Variants in RBFOX1 observed in about 807,000 individuals in gnomAD.
RBFOX1 encodes RNA binding protein fox-1 homolog 1.
RBFOX1 carries 8 observed loss-of-function variants against 57.7 expected under a neutral mutation model. That is an observed-to-expected ratio of 0.14 (90% CI 0.08 to 0.25). The LOEUF is 0.25. Among genes scored for constraint, RBFOX1 ranks in the 10% least tolerant of loss-of-function variants. The pLI, the probability that RBFOX1 is intolerant of heterozygous loss-of-function variation, is 1.00. For missense variants in RBFOX1, 611 were observed against 548.5 expected (o/e 1.11, Z -1.14); for synonymous variants, 326 against 222.4 (o/e 1.47, Z -4.15).
At chr16:7,563,893 A>T (rs1371937402) in intron 5 of RBFOX1, among the ~76,000 whole-genome samples, 1 of 151,934 alleles carries the variant, frequency 6.6e-6, no homozygotes, top group Non-Finnish European at 1.5e-5. Context: ...CCAACCTCCA[A>T]CCCTGCCCAC....
At chr16:7,217,292 C>CTTTTTTTTTTTTTT (rs71147672) in intron 4 of RBFOX1, among the ~76,000 whole-genome samples, 1 of 104,080 alleles carries the variant, frequency 9.6e-6, no homozygotes, top group Non-Finnish European at 1.8e-5. Context: ...TCTTATTCTT[C>CTTTTTTTTTTTTTT]TTTTTTTTTT....
intron 11 of RBFOX1, among the ~76,000 whole-genome samples, chr16:7,643,914 G>A (rs1297001125): frequency 6.6e-6 from 1 of 152,146 alleles, no homozygotes; most frequent in Non-Finnish European, 1.5e-5. Flanking sequence ...GAAGCATATT[G>A]AGATCTCTGG....
chr16:7,034,548 G>T (rs927315751), intron 3 of RBFOX1, among the ~76,000 whole-genome samples: 12 of 152,244 alleles, frequency 7.9e-5, no homozygotes, highest in African/African-American at 2.9e-4. Context: ...AGGGGATGAG[G>T]CTGCCTAGAG....
At chr16:6,932,232 T>A (rs1470813276) in intron 3 of RBFOX1, among the ~76,000 whole-genome samples, 1 of 152,146 alleles carries the variant, frequency 6.6e-6, no homozygotes, top group East Asian at 1.9e-4. Context: ...GCCTCCCAAG[T>A]AGCTGGGATT....
chr16:7,629,273 T>A (rs1377661692), intron 10 of RBFOX1, among the ~76,000 whole-genome samples: 4 of 152,112 alleles, frequency 2.6e-5, no homozygotes, highest in African/African-American at 2.4e-5. Context: ...CACCGTGCAG[T>A]CCCTCTGTGT....
At chr16:6,255,238 A>G (rs1055262450) in intron 1 of RBFOX1, among the ~76,000 whole-genome samples, 4 of 152,158 alleles carry the variant, frequency 2.6e-5, no homozygotes, top group African/African-American at 4.8e-5. Context: ...ACAGCACACA[A>G]TGAAGACCAA....
rs1015444156 is a variant in RBFOX1 at position 5,981,980 on chromosome 16, C to T, written c.351+114645C>T. 8.1e-4 allele frequency among the ~76,000 whole-genome samples: 124 copies of T among 152,278 alleles called. 1 individual carries two copies. Among genetic ancestry groups the T allele is most frequent in the African/African-American group, 2.8e-3 (115 of 41,574 alleles). ...GGTCAGTGGTGCCAAGAATGAAAAA[C>T]GCTTATCTAAAGGGTGTTTCTGTTA... On this transcript the variant is annotated intron_variant, in intron 4 of 19. Coordinates refer to the RBFOX1 transcript ENST00000641259.
chr16:7,315,225 T>G (rs2096409841), intron 4 of RBFOX1, among the ~76,000 whole-genome samples: 1 of 152,074 alleles, frequency 6.6e-6, no homozygotes, highest in Non-Finnish European at 1.5e-5. Flanking sequence ...GAGTAGGAGT[T>G]TGAGGGGGTA....
intron 3 of RBFOX1, among the ~76,000 whole-genome samples, chr16:6,969,584 TA>T (rs78601900): frequency 9.4e-5 from 14 of 148,710 alleles, no homozygotes; most frequent in Non-Finnish European, 1.3e-4. Flanking sequence ...AAAATAAAAA[TA>T]AAAAAAAAAT....
At chr16:6,518,739 A>G (rs986465237) in intron 2 of RBFOX1, among the ~76,000 whole-genome samples, 1 of 148,810 alleles carries the variant, frequency 6.7e-6, no homozygotes, top group Admixed American at 6.7e-5. Flanking sequence ...CCATCCATCT[A>G]TCTCTGTCTG....
intron 4 of RBFOX1, among the ~76,000 whole-genome samples, chr16:7,180,309 A>C (rs762482508): frequency 6.6e-6 from 1 of 152,194 alleles, no homozygotes; most frequent in South Asian, 2.1e-4. Flanking sequence ...AATTATTCCC[A>C]TTTTTCAGAT....
At chr16:6,362,227 C>A (rs554490461) in intron 2 of RBFOX1, among the ~76,000 whole-genome samples, 1 of 151,158 alleles carries the variant, frequency 6.6e-6, no homozygotes, top group Non-Finnish European at 1.5e-5. Context: ...GTAATCGATG[C>A]ATATCACATC....
intron 2 of RBFOX1, among the ~76,000 whole-genome samples, chr16:5,471,782 C>A (rs750376928): frequency 3.3e-5 from 5 of 152,270 alleles, no homozygotes; most frequent in South Asian, 2.1e-4. Context: ...TCCTTGGCAG[C>A]GGTATATTTC....
chr16:7,079,529 A>C (rs1193460083), intron 4 of RBFOX1, among the ~76,000 whole-genome samples: 1 of 152,218 alleles, frequency 6.6e-6, no homozygotes, highest in Non-Finnish European at 1.5e-5. Flanking sequence ...TTCAGATTGT[A>C]AATTCTTGGA....
chr16:5,412,695 G>C (rs1194489564), intron 1 of RBFOX1, among the ~76,000 whole-genome samples: 3 of 152,146 alleles, frequency 2.0e-5, no homozygotes, highest in South Asian at 2.1e-4. Flanking sequence ...TTTATTTCTC[G>C]TAACATTCCT....
intron 4 of RBFOX1, among the ~76,000 whole-genome samples, chr16:5,994,485 G>A (rs1047230310): frequency 1.3e-5 from 2 of 152,134 alleles, no homozygotes; most frequent in African/African-American, 4.8e-5. Flanking sequence ...CAAACTGAAA[G>A]TTTCAGATTT....
Position 7,556,644 on chromosome 16 carries a change from C to T in RBFOX1, c.271-23133C>T, listed in dbSNP as rs536336996. On this transcript the variant is annotated intron_variant, in intron 5 of 15. Coordinates refer to ENST00000550418, the MANE Select transcript of RBFOX1 (RefSeq NM_018723.4). ...TGACATTAGTGGAAAGGCACTGGTT[C>T]AGTTCTAAGACCTTAGTTCTAGGAC... Among the ~76,000 whole-genome samples, 12 of 152,232 alleles carry T rather than the reference C, an allele frequency of 7.9e-5. No individual in the cohort carries two copies. The South Asian group carries it at 1.9e-3, about 24-fold the overall frequency.
At chr16:7,234,389 A>G (rs2093661341) in intron 4 of RBFOX1, among the ~76,000 whole-genome samples, 1 of 152,168 alleles carries the variant, frequency 6.6e-6, no homozygotes. Context: ...CAGCAAAACC[A>G]CAAAGTGGGA....
intron 12 of RBFOX1, among the ~76,000 whole-genome samples, chr16:7,658,861 G>T (rs2066983464): frequency 6.6e-6 from 1 of 152,140 alleles, no homozygotes; most frequent in Non-Finnish European, 1.5e-5. Flanking sequence ...AGGTAGCTGG[G>T]ATTATAGGCA....
Sources: gnomAD v4.1 joint callset for allele counts (sites outside exome capture counted in the v4.1 genomes callset) on GRCh38, gnomAD v4.1.1 for gene constraint, MANE v1.5 for transcripts, NCBI Gene and HGNC (gene_info 2026-07-23, HGNC 2026-07-21) for gene names.